CHSY3: variants seen among roughly 807,000 people sequenced by gnomAD.
CHSY3 encodes N-acetylgalactosaminyl-proteoglycan 3-beta-glucuronosyltransferase 3.
CHSY3 carries 35 observed loss-of-function variants against 67.2 expected under a neutral mutation model. The ratio of observed to expected loss-of-function variants is 0.52; its 90% CI spans 0.40 to 0.69. The LOEUF is 0.69. CHSY3 is among the 30% of genes least tolerant of loss of function. CHSY3 has a pLI of 0.00. For synonymous variants in CHSY3, 474 were observed against 434.7 expected (o/e 1.09, Z -1.12); for missense variants, 1,069 against 1,138.5 (o/e 0.94, Z 0.88).
intron 2 of CHSY3, among the ~76,000 whole-genome samples, chr5:130,097,982 C>T (rs1257275752): frequency 6.6e-6 from 1 of 151,600 alleles, no homozygotes; most frequent in Non-Finnish European, 1.5e-5. Context: ...CCAGCCTGGG[C>T]GACAGAGCCA....
chr5:130,092,406 G>A (rs1340094865), intron 2 of CHSY3, among the ~76,000 whole-genome samples: 2 of 152,106 alleles, frequency 1.3e-5, no homozygotes, highest in African/African-American at 4.8e-5. Context: ...ATTCATCATA[G>A]TCTTGAGTTG....
chr5:130,027,053 A>C (rs924077893), intron 2 of CHSY3, among the ~76,000 whole-genome samples: 5 of 152,082 alleles, frequency 3.3e-5, no homozygotes, highest in Admixed American at 2.0e-4. Context: ...GCCTCTAGGA[A>C]CACTGACTAA....
chr5:130,093,546 G>T (rs1469268775), intron 2 of CHSY3, among the ~76,000 whole-genome samples: 2 of 151,922 alleles, frequency 1.3e-5, no homozygotes, highest in Non-Finnish European at 2.9e-5. Context: ...ATTTATACTA[G>T]ATGCTTCATA....
At chr5:130,057,240 T>C (rs981833222) in intron 2 of CHSY3, among the ~76,000 whole-genome samples, 5 of 152,044 alleles carry the variant, frequency 3.3e-5, no homozygotes, top group Non-Finnish European at 1.5e-5. Flanking sequence ...TTAGCATTTC[T>C]TTTTTTAAAA....
At chr5:130,034,840 A>G (rs1764821501) in intron 2 of CHSY3, among the ~76,000 whole-genome samples, 1 of 152,108 alleles carries the variant, frequency 6.6e-6, no homozygotes, top group Non-Finnish European at 1.5e-5. Context: ...TGAGGCAGAA[A>G]AATATCTAGG....
intron 2 of CHSY3, among the ~76,000 whole-genome samples, chr5:129,920,089 A>T (rs1044142852): frequency 2.0e-5 from 3 of 152,114 alleles, no homozygotes; most frequent in Non-Finnish European, 2.9e-5. Context: ...TTAATCTTTG[A>T]TTGTCATCCC....
intron 2 of CHSY3, among the ~76,000 whole-genome samples, 183 bp downstream of exon 2, chr5:129,908,543 A>T (rs1400905237): frequency 6.6e-6 from 1 of 152,090 alleles, no homozygotes; most frequent in Non-Finnish European, 1.5e-5. Context: ...CCTGTCTGAG[A>T]CTTTGTTATT....
chr5:129,969,067 A>G (rs1320720425), intron 2 of CHSY3, among the ~76,000 whole-genome samples: 1 of 151,838 alleles, frequency 6.6e-6, no homozygotes, highest in Non-Finnish European at 1.5e-5. Flanking sequence ...CAGTGTTGTT[A>G]TGTACTGGTA....
chr5:130,058,904 C>T (rs1169676205), intron 2 of CHSY3, among the ~76,000 whole-genome samples: 1 of 152,122 alleles, frequency 6.6e-6, no homozygotes, highest in African/African-American at 2.4e-5. Flanking sequence ...GTGTCCACCT[C>T]CCTTTGCTTT....
intron 2 of CHSY3, among the ~76,000 whole-genome samples, chr5:129,919,992 T>C (rs1760865616): frequency 6.6e-6 from 1 of 152,146 alleles, no homozygotes; most frequent in Admixed American, 6.5e-5. Flanking sequence ...TGTTGAAATG[T>C]ACAGTATTCA....
At chr5:130,093,113 G>A (rs1766934924) in intron 2 of CHSY3, among the ~76,000 whole-genome samples, 1 of 152,112 alleles carries the variant, frequency 6.6e-6, no homozygotes. Flanking sequence ...CCATCTCTAT[G>A]GGACAATTGG....
Position 130,144,975 on chromosome 5 carries a change from G to A in CHSY3, c.1087-39254G>A, listed in dbSNP as rs117586243. Reference sequence around the variant, plus strand: ...ATGGTGGAAGGAAAAGGGGGAACCAGCACTTCACATGGCTGGTGCAGGAGG... The same window carrying A: ...ATGGTGGAAGGAAAAGGGGGAACCAACACTTCACATGGCTGGTGCAGGAGG... On this transcript the variant is annotated intron_variant, in intron 2 of 2. Transcript: ENST00000305031. 2.6e-5 allele frequency among the ~76,000 whole-genome samples: 4 copies of A among 152,284 alleles called. No homozygotes were observed. In the East Asian group the frequency reaches 7.7e-4, roughly 29 times the overall value.
intron 2 of CHSY3, among the ~76,000 whole-genome samples, chr5:130,182,698 C>CT (rs901784280): frequency 3.3e-5 from 5 of 151,974 alleles, no homozygotes; most frequent in Admixed American, 2.6e-4. Context: ...ACTTTTTTCC[C>CT]TTATATGAAT....
intron 2 of CHSY3, among the ~76,000 whole-genome samples, chr5:129,997,972 G>A (rs1209855681): frequency 2.6e-5 from 4 of 152,080 alleles, no homozygotes; most frequent in African/African-American, 7.2e-5. Flanking sequence ...ATAAACATAC[G>A]TGTGCATGTG....
chr5:130,056,891 G>A (rs1213642223), intron 2 of CHSY3, among the ~76,000 whole-genome samples: 1 of 135,534 alleles, frequency 7.4e-6, no homozygotes, highest in Non-Finnish European at 1.6e-5. Context: ...GAAACAATAT[G>A]TATATGTTTA....
intron 2 of CHSY3, among the ~76,000 whole-genome samples, chr5:130,126,532 G>T (rs138570785): frequency 4.3e-4 from 65 of 152,200 alleles, no homozygotes; most frequent in Non-Finnish European, 6.6e-4. Flanking sequence ...GGTAGAGAGA[G>T]CAAGAATGAG....
At chr5:130,002,387 T>C (rs1191463913) in intron 2 of CHSY3, among the ~76,000 whole-genome samples, 1 of 152,200 alleles carries the variant, frequency 6.6e-6, no homozygotes, top group Non-Finnish European at 1.5e-5. Context: ...TAAAAGCCTT[T>C]TCTGGATGTG....
intron 2 of CHSY3, among the ~76,000 whole-genome samples, chr5:130,089,156 G>A (rs1310860519): frequency 1.4e-5 from 2 of 147,590 alleles, no homozygotes; most frequent in Non-Finnish European, 3.0e-5. Flanking sequence ...CTCACTCATA[G>A]GTGGGAATTG....
chr5:130,164,387 G>A (rs1397788188), intron 2 of CHSY3, among the ~76,000 whole-genome samples: 1 of 152,158 alleles, frequency 6.6e-6, no homozygotes, highest in Non-Finnish European at 1.5e-5. Flanking sequence ...CATTGTAGGA[G>A]TAAGAAGTCT....
Sources: allele counts gnomAD v4.1 joint callset (sites outside exome capture counted in the v4.1 genomes callset), GRCh38; gene constraint gnomAD v4.1.1; transcripts MANE v1.5; gene names NCBI Gene and HGNC (gene_info 2026-07-23, HGNC 2026-07-21).